The following CENPP variants were observed in gnomAD, a reference collection of about 807,000 sequenced individuals.
CENPP encodes the protein centromere protein P.
A neutral mutation model predicts 35.6 loss-of-function variants in CENPP; 24 were observed. That is an observed-to-expected ratio of 0.67 (90% CI 0.49 to 0.95). CENPP has a LOEUF of 0.95. CENPP is among the 40% of genes least tolerant of loss of function. CENPP has a pLI of 0.00. For missense variants in CENPP, 332 were observed against 345.3 expected, an observed-to-expected ratio of 0.96 and a Z score of 0.31; for synonymous variants, 120 against 125.5, an observed-to-expected ratio of 0.96 and a Z score of 0.29.
rs531568119 is a variant in CENPP at position 92,325,984 on chromosome 9, G to C, written c.-15G>C. ...ACAGCTGCGCTGCCGGCCCGGCTGCGGTCAGCAACGCGCCATGGACGCAGA... is the reference window on the plus strand; with the variant it reads ...ACAGCTGCGCTGCCGGCCCGGCTGCCGTCAGCAACGCGCCATGGACGCAGA... On this transcript the variant is annotated 5_prime_UTR_variant, in exon 1 of 8. Transcript: ENST00000375587. 2 of 1,546,672 alleles carry C rather than the reference G, an allele frequency of 1.3e-6. No individual in the cohort carries two copies. The highest frequency in any genetic ancestry group is 1.4e-5 in the African/African-American group (1 of 72,850).
intron 5 of CENPP, among the ~76,000 whole-genome samples, chr9:92,563,456 C>G (rs1849893782): frequency 6.6e-6 from 1 of 152,168 alleles, no homozygotes; most frequent in South Asian, 2.1e-4. Context: ...AAGCATAGCT[C>G]TTACAGTCTA....
intron 4 of CENPP, among the ~76,000 whole-genome samples, chr9:92,373,215 G>C (rs1455878237): frequency 7.2e-5 from 11 of 152,098 alleles, no homozygotes; most frequent in Admixed American, 6.5e-4. Context: ...TTGAGGCTAG[G>C]AGTTTGAAAC....
intron 3 of CENPP, among the ~76,000 whole-genome samples, chr9:92,342,689 G>T (rs564833669): frequency 1.1e-3 from 168 of 152,354 alleles, no homozygotes; most frequent in African/African-American, 3.8e-3. Flanking sequence ...GAGGCACCAA[G>T]AGTTCTTACT....
chr9:92,485,789 C>T (rs965064746), intron 5 of CENPP, among the ~76,000 whole-genome samples: 2 of 152,194 alleles, frequency 1.3e-5, no homozygotes, highest in African/African-American at 4.8e-5. Context: ...TCTCGGCCCC[C>T]CAAAGTGCTG....
intron 5 of CENPP, among the ~76,000 whole-genome samples, chr9:92,479,395 A>G (rs992538977): frequency 2.0e-5 from 3 of 152,208 alleles, no homozygotes; most frequent in African/African-American, 7.2e-5. Context: ...CATTATCTTT[A>G]GCTGTTGGGA....
chr9:92,531,804 T>G (rs1239262644), intron 5 of CENPP, among the ~76,000 whole-genome samples: 1 of 152,092 alleles, frequency 6.6e-6, no homozygotes, highest in Non-Finnish European at 1.5e-5. Context: ...TTCTAATAAT[T>G]CCTTTTGTGC....
At position 92,386,394 on chromosome 9, in the gene CENPP, T is replaced by C. The variant is rs531588222; in HGVS notation, c.564+6535T>C. 475 of 731,510 alleles carry C rather than the reference T, an allele frequency of 6.5e-4. 4 individuals are homozygous for C. In the South Asian group the frequency reaches 7.2e-3, roughly 11 times the overall value. 45.3% of individuals were successfully genotyped at this position (731,510 alleles called of 1,614,324 possible). ...GTGCATATGAGTATATGTCTATATATACAGACTTGCATATTGATATGAATA... is the reference window on the plus strand; with the variant it reads ...GTGCATATGAGTATATGTCTATATACACAGACTTGCATATTGATATGAATA... On this transcript the variant is annotated intron_variant, in intron 5 of 7. Coordinates refer to ENST00000375587, the MANE Select transcript of CENPP (RefSeq NM_001012267.3).
In CENPP at chr9:92,546,895, G is replaced by A. The variant is rs186164094; in HGVS notation, c.565-64419G>A. On this transcript the variant is annotated intron_variant, in intron 5 of 7. Coordinates refer to ENST00000375587, the MANE Select transcript of CENPP (RefSeq NM_001012267.3). ...CATAATTTCAAATCTTCCCACAAGA[G>A]ATACCACAGGTCTCTATATTCTTCA... Among the ~76,000 whole-genome samples, 4 of 152,262 alleles carry A rather than the reference G, an allele frequency of 2.6e-5. No individual in the cohort carries two copies. In the South Asian group the frequency reaches 8.3e-4, roughly 32 times the overall value.
intron 5 of CENPP, among the ~76,000 whole-genome samples, chr9:92,521,436 C>A (rs1420949857): frequency 6.6e-6 from 1 of 151,986 alleles, no homozygotes; most frequent in Non-Finnish European, 1.5e-5. Flanking sequence ...GTAAGTGTGG[C>A]CTAAATTGCC....
chr9:92,610,839 C>T lies in CENPP; in HGVS notation c.565-475C>T, dbSNP rs182152476. ...GACGGACAGGCGAGGGGCGTCCAGG[C>T]TCGGCCACAGCCCTCACGGAGCCTC... On this transcript the variant is annotated intron_variant, in intron 5 of 7. Coordinates refer to ENST00000375587, the MANE Select transcript of CENPP (RefSeq NM_001012267.3). 1.7e-4 allele frequency: 32 copies of T among 184,764 alleles called. No individual in the cohort carries two copies. The East Asian group carries it at 4.6e-3, about 26-fold the overall frequency. 11.4% of individuals were successfully genotyped at this position (184,764 alleles called of 1,614,324 possible).
At chr9:92,432,063 G>A (rs997150429) in intron 5 of CENPP, among the ~76,000 whole-genome samples, 1 of 152,082 alleles carries the variant, frequency 6.6e-6, no homozygotes, top group South Asian at 2.1e-4. Context: ...AGTGGCTCAC[G>A]CCTGTAATCC....
chr9:92,551,096 G>A (rs1425097301), intron 5 of CENPP, among the ~76,000 whole-genome samples: 15 of 152,110 alleles, frequency 9.9e-5, no homozygotes, highest in Admixed American at 9.8e-4. Flanking sequence ...GCATTTCCTG[G>A]GGAGGTGGCT....
intron 5 of CENPP, among the ~76,000 whole-genome samples, chr9:92,606,544 TG>T (rs1851086144): frequency 6.6e-6 from 1 of 152,050 alleles, no homozygotes; most frequent in Non-Finnish European, 1.5e-5. Flanking sequence ...CCAAGGGAAA[TG>T]AAAATATGTA....
At chr9:92,429,077 CTT>C (rs1234459011) in intron 5 of CENPP, among the ~76,000 whole-genome samples, 11 of 152,320 alleles carry the variant, frequency 7.2e-5, no homozygotes, top group African/African-American at 2.6e-4. Flanking sequence ...TGATAAGACT[CTT>C]TTATGAGCTA....
intron 5 of CENPP, among the ~76,000 whole-genome samples, chr9:92,509,225 A>T (rs1847191416): frequency 6.6e-6 from 1 of 152,218 alleles, no homozygotes; most frequent in Non-Finnish European, 1.5e-5. Context: ...TGGAGTTAGC[A>T]GGACTTCAGT....
chr9:92,472,676 C>T (rs774469532), intron 5 of CENPP, among the ~76,000 whole-genome samples: 1 of 151,910 alleles, frequency 6.6e-6, no homozygotes, highest in Non-Finnish European at 1.5e-5. Flanking sequence ...AATAATAATA[C>T]TAAAATAAAA....
At position 92,500,425 on chromosome 9, in the gene CENPP, C is replaced by T. The variant is rs549766117; in HGVS notation, c.565-110889C>T. On this transcript the variant is annotated intron_variant, in intron 5 of 7. Coordinates refer to ENST00000375587, the MANE Select transcript of CENPP (RefSeq NM_001012267.3). ...CTCAGACTCTTGAACTCAGGTGATC[C>T]GCCCGCCTTGGCGTCCCAAAGTGCT... Among the ~76,000 whole-genome samples, 334 of 152,308 alleles carry T rather than the reference C, an allele frequency of 2.2e-3. 1 individual carries two copies. The highest frequency in any genetic ancestry group is 3.9e-3 in the Non-Finnish European group (264 of 68,016).
At chr9:92,352,503 G>GTATATATATATATATATATA (rs1554753073) in intron 4 of CENPP, among the ~76,000 whole-genome samples, 3 of 68,988 alleles carry the variant, frequency 4.3e-5, no homozygotes, top group African/African-American at 1.2e-4. Flanking sequence ...GTGTGTGTGT[G>GTATATATATATATATATATA]TGTATACATA....
chr9:92,518,577 C>T (rs909756960), intron 5 of CENPP, among the ~76,000 whole-genome samples: 1 of 152,182 alleles, frequency 6.6e-6, no homozygotes, highest in African/African-American at 2.4e-5. Context: ...ATATGATTCA[C>T]ATACTATAAT....
Sources: gnomAD v4.1 joint callset for allele counts (sites outside exome capture counted in the v4.1 genomes callset) on GRCh38, gnomAD v4.1.1 for gene constraint, MANE v1.5 for transcripts, NCBI Gene and HGNC (gene_info 2026-07-23, HGNC 2026-07-21) for gene names.